Variants in PTPRG observed in about 807,000 individuals in gnomAD.
PTPRG encodes protein tyrosine phosphatase receptor type G.
A neutral mutation model predicts 165.3 loss-of-function variants in PTPRG; 102 were observed. That is an observed-to-expected ratio of 0.62 (90% confidence interval 0.53 to 0.73). The LOEUF (loss-of-function observed/expected upper bound fraction) is 0.73, where lower values mean the gene tolerates loss of function less well. PTPRG is among the 30% of genes least tolerant of loss of function. PTPRG has a pLI of 0.00. For missense variants in PTPRG, 1,866 were observed against 1,861.4 expected, an observed-to-expected ratio of 1.00 and a Z score of -0.05; for synonymous variants, 675 against 669.5, an observed-to-expected ratio of 1.01 and a Z score of -0.13.
intron 2 of PTPRG, among the ~76,000 whole-genome samples, chr3:61,806,284 T>C (rs1057266816): frequency 1.3e-5 from 2 of 152,114 alleles, no homozygotes; most frequent in African/African-American, 4.8e-5. Flanking sequence ...TGGGAAATAA[T>C]GTGTTGGCGA....
At chr3:61,962,197 A>G (rs1179148643) in intron 2 of PTPRG, among the ~76,000 whole-genome samples, 1 of 152,232 alleles carries the variant, frequency 6.6e-6, no homozygotes, top group Admixed American at 6.5e-5. Flanking sequence ...TATGTTTAAC[A>G]TTGTGGAAGA....
chr3:61,659,483 T>C, intron 1 of PTPRG: 2 of 977,832 alleles, frequency 2.0e-6, no homozygotes, highest in Non-Finnish European at 1.2e-6. Flanking sequence ...GGAAGGAGAG[T>C]CAGAAGAGAA....
intron 7 of PTPRG, among the ~76,000 whole-genome samples, chr3:62,162,590 C>G (rs1704809299): frequency 6.6e-6 from 1 of 152,154 alleles, no homozygotes; most frequent in Non-Finnish European, 1.5e-5. Flanking sequence ...CCTCCCAGTT[C>G]TTTCTGCGTT....
intron 4 of PTPRG, among the ~76,000 whole-genome samples, chr3:62,010,584 C>T (rs13090615): frequency 4.6e-5 from 7 of 151,994 alleles, no homozygotes; most frequent in African/African-American, 1.7e-4. Flanking sequence ...GTGCTGGCTA[C>T]TCAGCAGCAT....
intron 5 of PTPRG, among the ~76,000 whole-genome samples, chr3:62,128,401 T>A (rs1703393407): frequency 6.6e-6 from 1 of 152,148 alleles, no homozygotes; most frequent in Non-Finnish European, 1.5e-5. Flanking sequence ...TGAGTGGATG[T>A]CAAGTAAAAC....
chr3:61,578,333 C>T (rs1342127243), intron 1 of PTPRG, among the ~76,000 whole-genome samples: 3 of 152,202 alleles, frequency 2.0e-5, no homozygotes, highest in Non-Finnish European at 4.4e-5. Context: ...CAGCAATCAG[C>T]CCCTGGTGCC....
intron 1 of PTPRG, among the ~76,000 whole-genome samples, chr3:61,654,021 A>G (rs895374978): frequency 6.6e-6 from 1 of 152,118 alleles, no homozygotes; most frequent in Non-Finnish European, 1.5e-5. Context: ...CACATCTGAG[A>G]GGCATAGAGG....
intron 2 of PTPRG, among the ~76,000 whole-genome samples, chr3:61,771,933 G>A (rs1273701279): frequency 3.3e-5 from 5 of 151,754 alleles, no homozygotes; most frequent in Non-Finnish European, 4.4e-5. Flanking sequence ...GGTGGTAGGC[G>A]CATGTAATCC....
At chr3:61,861,154 A>G (rs1258733194) in intron 2 of PTPRG, among the ~76,000 whole-genome samples, 2 of 152,202 alleles carry the variant, frequency 1.3e-5, no homozygotes, top group African/African-American at 2.4e-5. Flanking sequence ...TTTATTGCCA[A>G]TTTTTAAAAA....
intron 8 of PTPRG, among the ~76,000 whole-genome samples, chr3:62,187,795 C>T (rs888472270): frequency 1.3e-5 from 2 of 152,306 alleles, no homozygotes; most frequent in African/African-American, 4.8e-5. Context: ...CATCAGACTG[C>T]TCTTCCTATA....
At chr3:61,877,032 A>C (rs1438014944) in intron 2 of PTPRG, among the ~76,000 whole-genome samples, 1 of 151,638 alleles carries the variant, frequency 6.6e-6, no homozygotes, top group Non-Finnish European at 1.5e-5. Context: ...TCAGGCTTAC[A>C]TTTTTGTGTC....
At chr3:62,104,906 G>T (rs925533315) in intron 5 of PTPRG, among the ~76,000 whole-genome samples, 1 of 152,114 alleles carries the variant, frequency 6.6e-6, no homozygotes, top group Non-Finnish European at 1.5e-5. Context: ...AAAAAGCCTA[G>T]AAGTGTAGTA....
intron 2 of PTPRG, among the ~76,000 whole-genome samples, chr3:61,848,480 A>G (rs142149633): frequency 1.6e-4 from 25 of 152,332 alleles, no homozygotes; most frequent in African/African-American, 6.0e-4. Context: ...TGCATTTTTT[A>G]TCTTTTCCAA....
At chr3:62,211,425 A>G (rs951771525) in intron 12 of PTPRG, among the ~76,000 whole-genome samples, 6 of 152,248 alleles carry the variant, frequency 3.9e-5, no homozygotes, top group Non-Finnish European at 8.8e-5. Context: ...TCAGTTGCGC[A>G]TCAGTTGCAC....
chr3:62,247,475 T>C (rs34638381), intron 15 of PTPRG, among the ~76,000 whole-genome samples: 1 of 152,312 alleles, frequency 6.6e-6, no homozygotes. Flanking sequence ...ATTTGGTTTT[T>C]CATTAAATTC....
rs1044225056 is a variant in PTPRG at position 62,214,475 on chromosome 3, AGAG to A, written c.2156-4369_2156-4367del. Among the ~76,000 whole-genome samples, 1 of 152,226 alleles carries A rather than the reference AGAG, an allele frequency of 6.6e-6. No homozygotes were observed. The highest frequency in any genetic ancestry group is 1.5e-5 in the Non-Finnish European group (1 of 68,038). ...ATGCAATATTATTACTTCCATTTAC[AGAG>A]GAGGAGACTGAGGCACAACGAGGTT... On this transcript the variant is annotated intron_variant, in intron 12 of 29. Transcript: ENST00000474889. The surrounding 1 kb of genome is among the most constrained non-coding windows in gnomAD (Gnocchi z 5.2).
At chr3:62,090,192 CA>C (rs1462776011) in intron 5 of PTPRG, among the ~76,000 whole-genome samples, 1 of 152,168 alleles carries the variant, frequency 6.6e-6, no homozygotes, top group Non-Finnish European at 1.5e-5. Flanking sequence ...GGGACTTCTC[CA>C]TCCATATTAC....
At chr3:62,072,902 C>T (rs1328731934) in intron 4 of PTPRG, among the ~76,000 whole-genome samples, 2 of 151,884 alleles carry the variant, frequency 1.3e-5, no homozygotes, top group African/African-American at 2.4e-5. Context: ...CTTAAATGGC[C>T]AATTCTAGGG....
intron 10 of PTPRG, among the ~76,000 whole-genome samples, chr3:62,198,368 A>C (rs1700019422): frequency 6.6e-6 from 1 of 152,240 alleles, no homozygotes; most frequent in African/African-American, 2.4e-5. Context: ...TGCAAAGCCC[A>C]ATCACTAACA....
Sources: allele counts gnomAD v4.1 joint callset (sites outside exome capture counted in the v4.1 genomes callset), GRCh38; gene constraint gnomAD v4.1.1; non-coding constraint Gnocchi (gnomAD v3.1); transcripts MANE v1.5; gene names NCBI Gene and HGNC (gene_info 2026-07-23, HGNC 2026-07-21).